The following FOXP2 variants were observed in gnomAD, a reference collection of about 807,000 sequenced individuals.
The protein encoded by FOXP2 is forkhead box protein P2.
In FOXP2, 12 loss-of-function variants were observed where a neutral mutation model predicts 115.8. That is an observed-to-expected ratio of 0.10 (90% CI 0.07 to 0.17). FOXP2 has a LOEUF of 0.17. FOXP2 is among the 10% of genes least tolerant of loss of function. FOXP2 has a pLI of 1.00. For synonymous variants in FOXP2, 328 were observed against 297.7 expected, an observed-to-expected ratio of 1.10 and a Z score of -1.05; for missense variants, 629 against 843.5, an observed-to-expected ratio of 0.75 and a Z score of 3.15.
At chr7:114,402,216 A>G (rs999739181) in intron 2 of FOXP2, among the ~76,000 whole-genome samples, 10 of 152,208 alleles carry the variant, frequency 6.6e-5, no homozygotes, top group Admixed American at 2.6e-4. Flanking sequence ...CTCTATCATC[A>G]TTTCTTGAGG....
chr7:114,687,285 C>G (rs1808417605), intron 16 of FOXP2, among the ~76,000 whole-genome samples: 1 of 152,122 alleles, frequency 6.6e-6, no homozygotes, highest in Non-Finnish European at 1.5e-5. Context: ...CACCTTATTT[C>G]ATTACAATAC....
intron 2 of FOXP2, among the ~76,000 whole-genome samples, chr7:114,308,130 T>C (rs1224097332): frequency 6.6e-6 from 1 of 152,170 alleles, no homozygotes; most frequent in Non-Finnish European, 1.5e-5. Flanking sequence ...TTTCATCTTT[T>C]TTCCAGACAT....
intron 3 of FOXP2, among the ~76,000 whole-genome samples, chr7:114,576,434 C>T (rs1218115140): frequency 6.6e-6 from 1 of 151,650 alleles, no homozygotes; most frequent in Non-Finnish European, 1.5e-5. Flanking sequence ...ATGTTGGTTC[C>T]AAGAAGGACC....
At chr7:114,167,370 T>C (rs934805357) in intron 1 of FOXP2, among the ~76,000 whole-genome samples, 3 of 152,194 alleles carry the variant, frequency 2.0e-5, no homozygotes, top group African/African-American at 7.2e-5. Context: ...CACAGGCATA[T>C]GCTATTTTGT....
At chr7:114,197,436 G>T (rs913030268) in intron 1 of FOXP2, among the ~76,000 whole-genome samples, 6 of 152,180 alleles carry the variant, frequency 3.9e-5, no homozygotes, top group Non-Finnish European at 4.4e-5. Flanking sequence ...GTGCAACTCT[G>T]AGTTTGAGGG....
At chr7:114,210,442 G>A (rs971462255) in intron 1 of FOXP2, among the ~76,000 whole-genome samples, 2 of 152,112 alleles carry the variant, frequency 1.3e-5, no homozygotes, top group African/African-American at 4.8e-5. Flanking sequence ...GACCCCAGTT[G>A]CCTCAGTTTT....
chr7:114,291,910 AATATATATTATAGATAATATATAGAATAT>A (rs1796606474), intron 2 of FOXP2, among the ~76,000 whole-genome samples: 4 of 138,034 alleles, frequency 2.9e-5, no homozygotes, highest in Non-Finnish European at 6.1e-5. Context: ...TAATATATAG[AATATATATTATAGATAATATATAGAATAT>A]ATATTATAGA....
At chr7:114,340,992 T>A (rs1360280079) in intron 2 of FOXP2, among the ~76,000 whole-genome samples, 1 of 151,250 alleles carries the variant, frequency 6.6e-6, no homozygotes, top group Non-Finnish European at 1.5e-5. Context: ...GTAGTTAAGC[T>A]TTTTATTTTA....
intron 2 of FOXP2, among the ~76,000 whole-genome samples, chr7:114,332,009 C>T (rs912925180): frequency 1.3e-5 from 2 of 152,062 alleles, no homozygotes; most frequent in Middle Eastern, 3.4e-3. Flanking sequence ...TATTGATTAA[C>T]GAAAAAGCAT....
At chr7:114,569,961 G>A (rs1801206903) in intron 3 of FOXP2, among the ~76,000 whole-genome samples, 1 of 151,762 alleles carries the variant, frequency 6.6e-6, no homozygotes, top group Non-Finnish European at 1.5e-5. Flanking sequence ...AATTTCCCTT[G>A]TGTATCTTAT....
intron 2 of FOXP2, among the ~76,000 whole-genome samples, chr7:114,510,008 A>G (rs1797997284): frequency 6.6e-6 from 1 of 152,146 alleles, no homozygotes; most frequent in Non-Finnish European, 1.5e-5. Flanking sequence ...CAGCCAGTGT[A>G]CACAGTGATA....
intron 16 of FOXP2, among the ~76,000 whole-genome samples, chr7:114,688,268 A>G (rs1370857138): frequency 2.3e-5 from 3 of 128,966 alleles, no homozygotes. Context: ...TTTTTGGCCT[A>G]GTTTTGCATT....
chr7:114,311,683 CAG>C (rs1360591084), intron 2 of FOXP2, among the ~76,000 whole-genome samples: 1 of 152,012 alleles, frequency 6.6e-6, no homozygotes, highest in Non-Finnish European at 1.5e-5. Context: ...GCTAGGAGAA[CAG>C]AGGGGAGGGG....
At chr7:114,664,205 A>G in intron 15 of FOXP2, 68 bp from the exon 16 acceptor site, 1 of 1,510,372 alleles carries the variant, frequency 6.6e-7, no homozygotes, top group Non-Finnish European at 9.1e-7. Flanking sequence ...TTAAAAGAAG[A>G]TACATGTTTT....
At chr7:114,548,787 A>T (rs1800058708) in intron 3 of FOXP2, among the ~76,000 whole-genome samples, 2 of 152,212 alleles carry the variant, frequency 1.3e-5, no homozygotes, top group African/African-American at 4.8e-5. Flanking sequence ...CTGATGGAAC[A>T]TATGTAAGCA....
At position 114,134,860 on chromosome 7, in the gene FOXP2, C is replaced by T. The variant is rs147547458; in HGVS notation, c.-246-28084C>T. Among the ~76,000 whole-genome samples the T allele has an allele frequency of 2.9e-3, 438 of 152,274 alleles. 2 individuals are homozygous for T. The highest frequency in any genetic ancestry group is 1.0e-2 in the African/African-American group (414 of 41,560). ...TTAATGTTGCTTTAGCTTAACTTACCGTAAACATTTTCTGATCACAAATAA... is the reference window on the plus strand; with the variant it reads ...TTAATGTTGCTTTAGCTTAACTTACTGTAAACATTTTCTGATCACAAATAA... On this transcript the variant is annotated intron_variant, in intron 1 of 19. Coordinates refer to the FOXP2 transcript ENST00000635638.
At chr7:114,481,322 T>C (rs1258946601) in intron 2 of FOXP2, among the ~76,000 whole-genome samples, 1 of 151,360 alleles carries the variant, frequency 6.6e-6, no homozygotes, top group Non-Finnish European at 1.5e-5. Flanking sequence ...AATTTGGTTA[T>C]ATTTTAATTT....
At chr7:114,203,329 C>T (rs957460541) in intron 1 of FOXP2, among the ~76,000 whole-genome samples, 1 of 151,918 alleles carries the variant, frequency 6.6e-6, no homozygotes, top group African/African-American at 2.4e-5. Context: ...GTTTACATCT[C>T]CATCTTTTTT....
intron 16 of FOXP2, among the ~76,000 whole-genome samples, chr7:114,678,545 C>CTTT (rs1475291523): frequency 2.9e-4 from 21 of 73,236 alleles, no homozygotes; most frequent in Non-Finnish European, 5.0e-4. Flanking sequence ...AAATAAGTGA[C>CTTT]TCTTTTTTTT....
Sources: allele counts gnomAD v4.1 joint callset (sites outside exome capture counted in the v4.1 genomes callset), GRCh38; gene constraint gnomAD v4.1.1; transcripts MANE v1.5; gene names NCBI Gene and HGNC (gene_info 2026-07-23, HGNC 2026-07-21).